Variants in LRCH2 observed in about 807,000 individuals in gnomAD.
LRCH2 encodes leucine rich repeats and calponin homology domain containing 2.
LRCH2 carries 38 observed loss-of-function variants against 68.9 expected under a neutral mutation model. That is an observed-to-expected ratio of 0.55 (90% confidence interval 0.43 to 0.72). The LOEUF (loss-of-function observed/expected upper bound fraction) is 0.72, where lower values mean the gene tolerates loss of function less well. Ranked by LOEUF, LRCH2 falls within the 30% of genes least tolerant of loss-of-function variation. The probability of loss-of-function intolerance (pLI) is 0.00; values close to 1 mark genes in which losing one functional copy is unlikely to be tolerated. For synonymous variants in LRCH2, 191 were observed against 208.1 expected (o/e 0.92, Z 0.71); for missense variants, 528 against 572.9 (o/e 0.92, Z 0.80).
At chrX:115,151,737 G>A (rs2072433544) in intron 12 of LRCH2, among the ~76,000 whole-genome samples, 1 of 111,295 alleles carries the variant, frequency 9.0e-6, no homozygotes, top group Admixed American at 9.6e-5. Flanking sequence ...CCATGACATT[G>A]AATATTAGGC....
intron 1 of LRCH2, among the ~76,000 whole-genome samples, chrX:115,206,753 C>T (rs2072970282): frequency 9.1e-6 from 1 of 110,409 alleles, no homozygotes; most frequent in South Asian, 3.9e-4. Flanking sequence ...GTCTTTAATT[C>T]CTCTAGCGCC....
chrX:115,127,410 T>C (rs1205189189), intron 15 of LRCH2, among the ~76,000 whole-genome samples: 2 of 112,094 alleles, frequency 1.8e-5, no homozygotes, highest in African/African-American at 6.5e-5. Flanking sequence ...CATTTAACTT[T>C]GAATATGCAC....
At position 115,170,428 on chromosome X, in the gene LRCH2, C is replaced by T; in HGVS notation, c.869G>A (p.Cys290Tyr). The part of the protein sequence containing the change: ...NPLQVPPAQI[C>Y]LKGKVHIFKY... ...AAATATGTGCACCTTACCCTTTAAACATATCTGTCAATAAAAAATAAAGAT... is the reference window on the plus strand; with the variant it reads ...AAATATGTGCACCTTACCCTTTAAATATATCTGTCAATAAAAAATAAAGAT... The change falls in exon 6 of 21, where the codon TGT (cysteine) becomes TAT (tyrosine). Residue 290 changes from cysteine (C) to tyrosine (Y), a missense_variant. By Grantham distance (194) the Cys-to-Tyr change is radical (BLOSUM62 -2). Coordinates refer to ENST00000317135, the MANE Select transcript of LRCH2 (RefSeq NM_020871.4). 9.1e-7 allele frequency: 1 copy of T among 1,101,218 alleles called. No homozygotes were observed. The highest frequency in any genetic ancestry group is 1.2e-6 in the Non-Finnish European group (1 of 839,273). 90.8% of individuals were successfully genotyped at this position (1,101,218 alleles called of 1,213,427 possible). A position where few individuals can be genotyped will look rare whatever the true frequency, so the allele number is the denominator to read the frequency against.
chrX:115,147,949 G>A (rs1419553498), intron 14 of LRCH2, among the ~76,000 whole-genome samples: 2 of 111,192 alleles, frequency 1.8e-5, no homozygotes, highest in East Asian at 5.7e-4. Context: ...CTACTGGGGA[G>A]GCTGAAGCAA....
chrX:115,211,365 T>C (rs2073006012), intron 1 of LRCH2, among the ~76,000 whole-genome samples: 1 of 111,613 alleles, frequency 9.0e-6, no homozygotes, highest in African/African-American at 3.3e-5. Flanking sequence ...CTCTCTTCTC[T>C]TGTCTGCCAC....
intron 1 of LRCH2, among the ~76,000 whole-genome samples, chrX:115,196,458 A>C (rs2072888197): frequency 9.0e-6 from 1 of 111,096 alleles, no homozygotes; most frequent in African/African-American, 3.3e-5. Flanking sequence ...GTTGAGTACA[A>C]GCTTGCCCAG....
At chrX:115,157,461 A>G (rs1232727895) in intron 11 of LRCH2, among the ~76,000 whole-genome samples, 1 of 109,602 alleles carries the variant, frequency 9.1e-6, no homozygotes, top group African/African-American at 3.3e-5. Context: ...TAATGAATTA[A>G]ATATAAGTTG....
rs782204292 is a variant in LRCH2 at position 115,184,395 on chromosome X, C to A, written c.621+16G>T. Reference sequence around the variant, plus strand: ...ATTACGCATATTGCATTAATTAATACAACTAAGTTACTCACCAATTCCATT... The same window carrying A: ...ATTACGCATATTGCATTAATTAATAAAACTAAGTTACTCACCAATTCCATT... On this transcript the variant is annotated intron_variant, in intron 3 of 20. Coordinates refer to ENST00000317135, the MANE Select transcript of LRCH2 (RefSeq NM_020871.4). The A allele has an allele frequency of 2.4e-5, 27 of 1,125,975 alleles. No individual in the cohort carries two copies. Among genetic ancestry groups the A allele is most frequent in the Non-Finnish European group, 3.2e-5 (27 of 843,174 alleles). 92.8% of individuals were successfully genotyped at this position (1,125,975 alleles called of 1,213,427 possible). A position where few individuals can be genotyped will look rare whatever the true frequency, so the allele number is the denominator to read the frequency against.
At chrX:115,154,679 T>C (rs1556539124) in intron 12 of LRCH2, among the ~76,000 whole-genome samples, 1 of 111,799 alleles carries the variant, frequency 8.9e-6, no homozygotes. Flanking sequence ...TTGTTCTTTT[T>C]AGAATGGCAA....
chrX:115,138,391 G>A (rs1215883332), intron 14 of LRCH2, among the ~76,000 whole-genome samples: 1 of 111,584 alleles, frequency 9.0e-6, no homozygotes, highest in Non-Finnish European at 1.9e-5. Flanking sequence ...ATCAGACTTA[G>A]CATGAACATA....
rs1361158749 is a variant in LRCH2 at position 115,132,432 on chromosome X, T to C, written c.1696-2233A>G. ...TTTCTGAGGGCTCTGTTCTGTTCCA[T>C]TGGTCTATTTAATGGTCCCCTTTAC... On this transcript the variant is annotated intron_variant, in intron 14 of 20. Transcript: ENST00000317135. Among the ~76,000 whole-genome samples, 3 of 111,407 alleles carry C rather than the reference T, an allele frequency of 2.7e-5. No individual in the cohort carries two copies. In the Admixed American group the frequency reaches 2.9e-4, roughly 11 times the overall value.
intron 14 of LRCH2, among the ~76,000 whole-genome samples, chrX:115,139,790 G>A (rs1457598433): frequency 9.0e-6 from 1 of 111,333 alleles, no homozygotes; most frequent in Non-Finnish European, 1.9e-5. Context: ...CCCAGGCATG[G>A]CGGGAGCATT....
intron 1 of LRCH2, among the ~76,000 whole-genome samples, chrX:115,229,308 CA>C (rs1556577561): frequency 9.0e-6 from 1 of 111,195 alleles, no homozygotes; most frequent in African/African-American, 3.3e-5. Context: ...CTCTGACCCA[CA>C]CACTCTGCCA....
intron 7 of LRCH2, 80 bp downstream of exon 7, chrX:115,166,175 T>C: frequency 1.3e-6 from 1 of 751,116 alleles, no homozygotes; most frequent in Non-Finnish European, 2.0e-6. Flanking sequence ...CAAAATAAAC[T>C]CAAGTATGCA....
chrX:115,118,976 T>C (rs1333931645), intron 20 of LRCH2, among the ~76,000 whole-genome samples: 12 of 111,674 alleles, frequency 1.1e-4, no homozygotes, highest in Non-Finnish European at 2.3e-4. Context: ...CAACCCTTCA[T>C]GCTAAAAACT....
intron 14 of LRCH2, among the ~76,000 whole-genome samples, chrX:115,143,171 A>G (rs1556534912): frequency 8.9e-6 from 1 of 111,965 alleles, no homozygotes; most frequent in Non-Finnish European, 1.9e-5. Flanking sequence ...GAAATGAAGA[A>G]AAATAAAAAA....
intron 16 of LRCH2, 77 bp from the exon 17 acceptor site, chrX:115,124,079 C>G: frequency 1.9e-6 from 1 of 524,377 alleles, no homozygotes; most frequent in East Asian, 4.4e-5. Context: ...GGTGCTTATT[C>G]ACATCCATTC....
intron 14 of LRCH2, among the ~76,000 whole-genome samples, chrX:115,136,507 C>T (rs2072291725): frequency 9.2e-6 from 1 of 109,120 alleles, no homozygotes; most frequent in Admixed American, 9.9e-5. Context: ...CTTTTTTCCC[C>T]ACATATTTTC....
chrX:115,220,258 A>G (rs1556573021), intron 1 of LRCH2, among the ~76,000 whole-genome samples: 1 of 112,213 alleles, frequency 8.9e-6, no homozygotes, highest in African/African-American at 3.2e-5. Context: ...GCATCCATAC[A>G]TTTTTCTTCA....
Sources: gnomAD v4.1 joint callset for allele counts (sites outside exome capture counted in the v4.1 genomes callset) on GRCh38, gnomAD v4.1.1 for gene constraint, MANE v1.5 for transcripts, NCBI Gene and HGNC (gene_info 2026-07-23, HGNC 2026-07-21) for gene names.